The following USP6 variants were observed in gnomAD, a reference collection of about 807,000 sequenced individuals.
The protein encoded by USP6 is ubiquitin specific peptidase 6, also known as ubiquitin carboxyl-terminal hydrolase 6.
A neutral mutation model predicts 175.7 loss-of-function variants in USP6; 128 were observed. That is an observed-to-expected ratio of 0.73 (90% CI 0.63 to 0.84). The LOEUF is 0.84. Among genes scored for constraint, USP6 ranks in the 40% least tolerant of loss-of-function variants. The pLI is 0.00. For synonymous variants in USP6, 562 were observed against 630.6 expected (o/e 0.89, Z 1.63); for missense variants, 1,498 against 1,760.3 (o/e 0.85, Z 2.67).
At chr17:5,142,214 T>C in intron 24 of USP6, 73 bp downstream of exon 24, 1 of 1,563,014 alleles carries the variant, frequency 6.4e-7, no homozygotes. Flanking sequence ...AAATTTCCTC[T>C]TTTTTCACCC....
At chr17:5,149,347 G>A (rs1352909477) in intron 30 of USP6, among the ~76,000 whole-genome samples, 1 of 152,164 alleles carries the variant, frequency 6.6e-6, no homozygotes, top group Non-Finnish European at 1.5e-5. Context: ...AGGTTGCAGT[G>A]AGCGAAGATT....
chr17:5,130,523 C>A, intron 10 of USP6, 79 bp from the exon 11 acceptor site: 8 of 1,610,618 alleles, frequency 5.0e-6, no homozygotes, highest in Admixed American at 1.7e-5. Flanking sequence ...GAGCACAGGG[C>A]AGGGACGGGT....
At chr17:5,133,390 C>T in intron 13 of USP6, 53 bp from the exon 14 acceptor site, 2 of 1,534,912 alleles carry the variant, frequency 1.3e-6, no homozygotes, top group South Asian at 2.2e-5. Context: ...AGGCTCTGGT[C>T]CTCACTGGGG....
chr17:5,134,085 A>G, intron 15 of USP6, 89 bp downstream of exon 15: 1 of 1,397,174 alleles, frequency 7.2e-7, no homozygotes, highest in Non-Finnish European at 1.0e-6. Flanking sequence ...AGGGTCACCC[A>G]GGAGGGATGA....
rs760792625 is a variant in USP6, at chr17:5,132,459, G to C, written c.195+24G>C. 6.2e-7 allele frequency: 1 copy of C among 1,612,088 alleles called. No homozygotes were observed. On this transcript the variant is annotated intron_variant, in intron 12 of 37. Transcript: ENST00000574788. The surrounding 1 kb of genome is among the most constrained non-coding windows in gnomAD (Gnocchi z 4.7). ...AGGTAAGAGCCTGATGCGTGGAGGGGCTGGTCCAGGGACGTAGGGACTGGG... is the reference window on the plus strand; with the variant it reads ...AGGTAAGAGCCTGATGCGTGGAGGGCCTGGTCCAGGGACGTAGGGACTGGG...
chr17:5,125,550 C>T (rs940128826), intron 5 of USP6, among the ~76,000 whole-genome samples: 1 of 152,126 alleles, frequency 6.6e-6, no homozygotes, highest in Admixed American at 6.6e-5. Flanking sequence ...TGAAAACACT[C>T]TCTTGCTGTG....
Position 5,135,764 on chromosome 17 carries a change from C to G in USP6, c.544-44C>G, listed in dbSNP as rs776306036. 1.0e-5 allele frequency: 16 copies of G among 1,597,158 alleles called. No homozygotes were observed. In the African/African-American group the frequency reaches 2.0e-4, roughly 20 times the overall value. On this transcript the variant is annotated intron_variant, in intron 16 of 37. Coordinates refer to ENST00000574788, the MANE Select transcript of USP6 (RefSeq NM_001304284.2). ...CATGAGTCCTCCCAGGTGACCTCAG[C>G]CCTCCCAGGTGATGTCCTTCCATGG...
At chr17:5,122,896 A>G in intron 4 of USP6, 1 of 152,346 alleles carries the variant, frequency 6.6e-6, no homozygotes, top group Non-Finnish European at 1.5e-5. Flanking sequence ...CGCGAGGGGG[A>G]GGGACCGAGA....
Position 5,141,434 on chromosome 17 carries a change from A to C in USP6, c.1508A>C (p.Lys503Thr). The C allele has an allele frequency of 6.2e-7, 1 of 1,608,144 alleles. No homozygotes were observed. Among genetic ancestry groups the C allele is most frequent in the Non-Finnish European group, 8.5e-7 (1 of 1,177,930 alleles). ...CTATCTGTCCTTCCAGTTCACAACAAAGATATGAGTTGGCCTGAGGAGATG... is the reference window on the plus strand; with the variant it reads ...CTATCTGTCCTTCCAGTTCACAACACAGATATGAGTTGGCCTGAGGAGATG... ...QAEHCGEVHN[K>T]DMSWPEEMSF... The change falls in exon 23 of 38, where the codon AAA becomes ACA. Residue 503 changes from lysine (K) to threonine (T), a missense_variant. By Grantham distance (78) the Lys-to-Thr change is moderately conservative. This residue lies in a region of USP6 where 1,217 missense variants were observed against 1,500.8 expected (regional missense o/e 0.81). Transcript: ENST00000574788.
chr17:5,145,923 T>C, intron 27 of USP6, 100 bp from the exon 28 acceptor site: 1 of 1,389,654 alleles, frequency 7.2e-7, no homozygotes, highest in Non-Finnish European at 9.4e-7. Flanking sequence ...GGCTGAAATA[T>C]TTGCTATTAT....
intron 25 of USP6, among the ~76,000 whole-genome samples, chr17:5,143,850 C>T (rs1042596570): frequency 9.9e-5 from 15 of 151,988 alleles, no homozygotes; most frequent in African/African-American, 3.1e-4. Context: ...TGCTTGAACC[C>T]GGGATGTGGT....
At chr17:5,127,969 C>T (rs1267081612) in intron 7 of USP6, among the ~76,000 whole-genome samples, 2 of 152,180 alleles carry the variant, frequency 1.3e-5, no homozygotes, top group African/African-American at 4.8e-5. Context: ...GCAGAGCTCC[C>T]AGATACGAGG....
rs1324414138 is a variant in USP6, at chr17:5,124,709, C to T, written c.-1155C>T. 3 of 152,196 alleles carry T rather than the reference C, an allele frequency of 2.0e-5. No individual in the cohort carries two copies. Among genetic ancestry groups the T allele is most frequent in the Non-Finnish European group, 4.4e-5 (3 of 68,042 alleles). 9.4% of individuals were successfully genotyped at this position (152,196 alleles called of 1,614,324 possible). ...GACCTCCAGTACTGTGAGACAGTAA[C>T]ATTCTGTTGTTGAAGGTGCCCAGTC... On this transcript the variant is annotated 5_prime_UTR_variant, in exon 5 of 38. Transcript: ENST00000574788.
chr17:5,169,017 C>A lies in USP6; in HGVS notation c.3479C>A (p.Pro1160Gln), dbSNP rs752498144. 4.5e-5 allele frequency: 73 copies of A among 1,613,326 alleles called. No homozygotes were observed. In the South Asian group the frequency reaches 7.3e-4, roughly 16 times the overall value. ...GKEDMLLSKS[P>Q]SSLSANISSS... ...GAGGACATGCTCCTAAGCAAAAGCC[C>A]ATCCTCACTCAGCGCTAACATCAGC... is the stretch of plus-strand genomic sequence containing the variant. Residue 1160 changes from proline (P) to glutamine (Q), a missense_variant, in exon 35 of 38, where the codon CCA becomes CAA. Around this residue, in one of 2 missense-constraint regions of USP6, gnomAD observed 1,217 missense variants for 1,500.8 expected, o/e 0.81. Transcript: ENST00000574788.
intron 14 of USP6, 100 bp downstream of exon 14, chr17:5,133,650 G>GCC: frequency 5.4e-6 from 3 of 556,536 alleles, no homozygotes; most frequent in Non-Finnish European, 1.0e-5. Flanking sequence ...GGGGGGGTGG[G>GCC]AGGGGATGGT....
intron 36 of USP6, 41 bp from the exon 37 acceptor site, chr17:5,171,546 A>C: frequency 1.3e-6 from 2 of 1,598,908 alleles, no homozygotes; most frequent in Non-Finnish European, 1.7e-6. Context: ...GCCATAGTAC[A>C]GTTAACTACT....
chr17:5,116,819 G>C (rs1407125510), intron 1 of USP6, 79 bp downstream of exon 1: 1 of 152,238 alleles, frequency 6.6e-6, no homozygotes, highest in Non-Finnish European at 1.5e-5. Context: ...CACTCACTGA[G>C]GTAAATACAA....
intron 35 of USP6, among the ~76,000 whole-genome samples, chr17:5,169,887 T>C (rs2074176554): frequency 6.6e-6 from 1 of 152,256 alleles, no homozygotes; most frequent in South Asian, 2.1e-4. Context: ...ATTGTACTTT[T>C]TCATTCCTCA....
chr17:5,120,825 G>A (rs1352845924), intron 3 of USP6, 37 bp downstream of exon 3: 1 of 453,380 alleles, frequency 2.2e-6, no homozygotes, highest in African/African-American at 2.0e-5. Flanking sequence ...GCACACATGT[G>A]GGCACATGTG....
Sources: gnomAD v4.1 joint callset for allele counts (sites outside exome capture counted in the v4.1 genomes callset) on GRCh38, gnomAD v4.1.1 for gene constraint, gnomAD v4.1.1 regional missense constraint, Gnocchi (gnomAD v3.1) non-coding constraint, MANE v1.5 for transcripts, NCBI Gene and HGNC (gene_info 2026-07-23, HGNC 2026-07-21) for gene names.